ARHGEF3: variants seen among roughly 807,000 people sequenced by gnomAD.
ARHGEF3 encodes Rho guanine nucleotide exchange factor 3.
ARHGEF3 carries 28 observed loss-of-function variants against 63.2 expected under a neutral mutation model. The ratio of observed to expected loss-of-function variants is 0.44; its 90% CI spans 0.33 to 0.61. The LOEUF (loss-of-function observed/expected upper bound fraction) is 0.61, where lower values mean the gene tolerates loss of function less well. ARHGEF3 is among the 20% of genes least tolerant of loss of function. ARHGEF3 has a pLI of 0.03. For synonymous variants in ARHGEF3, 266 were observed against 254.2 expected, an observed-to-expected ratio of 1.05 and a Z score of -0.44; for missense variants, 533 against 659.3, an observed-to-expected ratio of 0.81 and a Z score of 2.10.
At chr3:57,056,319 G>A (rs960607023) in intron 1 of ARHGEF3, among the ~76,000 whole-genome samples, 3 of 150,480 alleles carry the variant, frequency 2.0e-5, no homozygotes, top group Non-Finnish European at 4.4e-5. Context: ...CCTGGGAGGC[G>A]GAGGTTGCAG....
chr3:56,924,883 C>T (rs1262354636), intron 3 of ARHGEF3, among the ~76,000 whole-genome samples: 1 of 152,236 alleles, frequency 6.6e-6, no homozygotes, highest in Non-Finnish European at 1.5e-5. Context: ...TGCTACCCAG[C>T]TCCTATTCAA....
At chr3:56,794,044 T>C (rs577987200) in intron 1 of ARHGEF3, among the ~76,000 whole-genome samples, 20 of 152,104 alleles carry the variant, frequency 1.3e-4, no homozygotes, top group East Asian at 9.7e-4. Context: ...TATGTCACAT[T>C]TGGAAAAGTT....
intron 7 of ARHGEF3, among the ~76,000 whole-genome samples, chr3:56,740,430 T>A (rs1037378046): frequency 6.6e-5 from 10 of 152,210 alleles, no homozygotes; most frequent in African/African-American, 1.7e-4. Context: ...TTGGTATACT[T>A]TCTTAGTTTC....
intron 1 of ARHGEF3, among the ~76,000 whole-genome samples, chr3:57,051,825 G>C (rs1249558099): frequency 6.6e-6 from 1 of 152,132 alleles, no homozygotes; most frequent in African/African-American, 2.4e-5. Flanking sequence ...TTAGCCAGGT[G>C]TGGTGGCGGG....
At chr3:57,043,494 A>T (rs1248247128) in intron 1 of ARHGEF3, among the ~76,000 whole-genome samples, 1 of 150,588 alleles carries the variant, frequency 6.6e-6, no homozygotes, top group Non-Finnish European at 1.5e-5. Flanking sequence ...CAAAGTTAAA[A>T]AAAAAAAAAA....
At chr3:56,981,602 A>G (rs1483387720) in intron 2 of ARHGEF3, among the ~76,000 whole-genome samples, 2 of 152,240 alleles carry the variant, frequency 1.3e-5, no homozygotes, top group East Asian at 1.9e-4. Flanking sequence ...AATTTAATTC[A>G]GTCATATCTG....
chr3:56,946,891 C>T (rs981823341), intron 3 of ARHGEF3, among the ~76,000 whole-genome samples: 5 of 152,186 alleles, frequency 3.3e-5, no homozygotes, highest in African/African-American at 1.2e-4. Context: ...GGTCAGGTTA[C>T]CCACAAAGGG....
chr3:57,063,949 G>T (rs1332453958), intron 1 of ARHGEF3, among the ~76,000 whole-genome samples: 1 of 152,188 alleles, frequency 6.6e-6, no homozygotes, highest in Admixed American at 6.5e-5. Context: ...GCATAGAATT[G>T]AATAATATTC....
At chr3:56,915,775 T>C (rs2041972194) in intron 3 of ARHGEF3, among the ~76,000 whole-genome samples, 1 of 152,184 alleles carries the variant, frequency 6.6e-6, no homozygotes, top group Non-Finnish European at 1.5e-5. Flanking sequence ...ACAAAACAGT[T>C]GCTCCAACCA....
At chr3:56,763,721 A>T (rs1274595952) in intron 2 of ARHGEF3, among the ~76,000 whole-genome samples, 1 of 151,958 alleles carries the variant, frequency 6.6e-6, no homozygotes, top group Non-Finnish European at 1.5e-5. Context: ...AATTTTATTT[A>T]TTTTTAATTT....
intron 1 of ARHGEF3, among the ~76,000 whole-genome samples, chr3:56,784,124 C>T (rs1352973842): frequency 1.3e-5 from 2 of 152,168 alleles, no homozygotes; most frequent in Non-Finnish European, 2.9e-5. Context: ...CTCTGCGGTC[C>T]CTGGCTCCAC....
At chr3:56,945,789 CCAGCATG>C (rs1291878493) in intron 3 of ARHGEF3, among the ~76,000 whole-genome samples, 5 of 152,188 alleles carry the variant, frequency 3.3e-5, no homozygotes, top group South Asian at 4.1e-4. Flanking sequence ...AGTGGTTCTC[CCAGCATG>C]CAGCTGGAGA....
At chr3:56,919,091 TGA>T (rs1475125091) in intron 3 of ARHGEF3, among the ~76,000 whole-genome samples, 1 of 152,214 alleles carries the variant, frequency 6.6e-6, no homozygotes, top group African/African-American at 2.4e-5. Context: ...GGGGCACCAC[TGA>T]GAGTTTTTGT....
At chr3:56,846,859 C>G (rs753143407) in intron 4 of ARHGEF3, among the ~76,000 whole-genome samples, 7 of 152,218 alleles carry the variant, frequency 4.6e-5, no homozygotes, top group Non-Finnish European at 7.3e-5. Context: ...ATTCAAAGTG[C>G]TCTCCTCCAA....
At chr3:56,779,489 T>A (rs1390686054) in intron 1 of ARHGEF3, among the ~76,000 whole-genome samples, 6 of 151,710 alleles carry the variant, frequency 4.0e-5, no homozygotes, top group African/African-American at 1.5e-4. Context: ...TTTTTTTATT[T>A]TTTTTTTTTG....
chr3:56,945,094 C>A lies in ARHGEF3; in HGVS notation c.129+13729G>T, dbSNP rs542983871. ...CATGAAAGGAAAGAGTCAATCAATG[C>A]AGCAAATGTCATTGTTATCTTATTT... On this transcript the variant is annotated intron_variant, in intron 3 of 12. Coordinates refer to the ARHGEF3 transcript ENST00000338458. 3.3e-5 allele frequency among the ~76,000 whole-genome samples: 5 copies of A among 152,244 alleles called. No individual in the cohort carries two copies. In the South Asian group the frequency reaches 8.3e-4, roughly 25 times the overall value.
intron 1 of ARHGEF3, among the ~76,000 whole-genome samples, chr3:57,071,388 G>A (rs13093196): frequency 0.14 from 21,044 of 152,048 alleles, 1,942 homozygotes; most frequent in South Asian, 0.2. Context: ...ATGGCTGGGC[G>A]TGGTGGCTCA....
chr3:56,965,703 C>A (rs1700466859), intron 2 of ARHGEF3, among the ~76,000 whole-genome samples: 1 of 143,470 alleles, frequency 7.0e-6, no homozygotes, highest in Admixed American at 7.4e-5. Flanking sequence ...GGCTGGAGTG[C>A]AGTGGCACAA....
intron 1 of ARHGEF3, among the ~76,000 whole-genome samples, chr3:56,799,183 G>A (rs1578546953): frequency 2.0e-5 from 3 of 151,988 alleles, no homozygotes; most frequent in South Asian, 2.1e-4. Context: ...CTCAGTGTAC[G>A]GTATCAAATG....
Sources: allele counts gnomAD v4.1 joint callset (sites outside exome capture counted in the v4.1 genomes callset), GRCh38; gene constraint gnomAD v4.1.1; transcripts MANE v1.5; gene names NCBI Gene and HGNC (gene_info 2026-07-23, HGNC 2026-07-21).